RBM44: variants seen among roughly 807,000 people sequenced by gnomAD.
The protein encoded by RBM44 is RNA binding motif protein 44.
RBM44 carries 66 observed loss-of-function variants against 105.1 expected under a neutral mutation model. The ratio of observed to expected loss-of-function variants is 0.63; its 90% confidence interval spans 0.52 to 0.77. The LOEUF is 0.77. RBM44 is among the 30% of genes least tolerant of loss of function. The pLI, the probability that RBM44 is intolerant of heterozygous loss-of-function variation, is 0.00. For missense variants in RBM44, 1,122 were observed against 1,207.8 expected (o/e 0.93, Z 1.05); for synonymous variants, 365 against 417.6 (o/e 0.87, Z 1.54).
At chr2:237,814,904 CT>C (rs201755020) in intron 2 of RBM44, among the ~76,000 whole-genome samples, 85 of 145,186 alleles carry the variant, frequency 5.9e-4, no homozygotes, top group East Asian at 2.9e-3. Flanking sequence ...CCACCCCCCC[CT>C]ACACACACAA....
chr2:237,820,657 G>A (rs564734556), intron 5 of RBM44: 3 of 251,940 alleles, frequency 1.2e-5, no homozygotes, highest in Non-Finnish European at 2.2e-5. Context: ...TGTGTCAAGA[G>A]TTGTTTGTAC....
At chr2:237,822,032 G>C (rs1405520610) in intron 8 of RBM44, among the ~76,000 whole-genome samples, 3 of 152,098 alleles carry the variant, frequency 2.0e-5, no homozygotes, top group African/African-American at 4.8e-5. Flanking sequence ...ATGTTGAGTA[G>C]GGTGACCATA....
chr2:237,836,134 C>G (rs2061957111), intron 15 of RBM44, among the ~76,000 whole-genome samples: 1 of 152,186 alleles, frequency 6.6e-6, no homozygotes, highest in Non-Finnish European at 1.5e-5. Context: ...CAGGCACGCT[C>G]TCTTGTTAGG....
intron 8 of RBM44, among the ~76,000 whole-genome samples, chr2:237,822,245 G>A (rs1389872432): frequency 6.6e-6 from 1 of 152,054 alleles, no homozygotes; most frequent in Non-Finnish European, 1.5e-5. Context: ...ACAGGGAAAA[G>A]TTATAATTTC....
intron 1 of RBM44, among the ~76,000 whole-genome samples, chr2:237,810,598 A>C (rs572486413): frequency 2.6e-5 from 4 of 152,290 alleles, no homozygotes; most frequent in South Asian, 2.1e-4. Flanking sequence ...AATTTTGCAA[A>C]AGAGAAAAGA....
At chr2:237,813,134 A>G (rs771495314) in intron 1 of RBM44, among the ~76,000 whole-genome samples, 2 of 152,030 alleles carry the variant, frequency 1.3e-5, no homozygotes, top group Admixed American at 6.6e-5. Context: ...ATCTCCCACA[A>G]CCTATCCCAG....
intron 1 of RBM44, among the ~76,000 whole-genome samples, chr2:237,800,775 C>T (rs996548392): frequency 1.4e-5 from 2 of 147,020 alleles, no homozygotes; most frequent in Non-Finnish European, 3.0e-5. Context: ...TTCCCAGGCT[C>T]GAGTGCAATG....
At chr2:237,814,534 A>G (rs1390714520) in intron 2 of RBM44, among the ~76,000 whole-genome samples, 1 of 152,172 alleles carries the variant, frequency 6.6e-6, no homozygotes, top group Non-Finnish European at 1.5e-5. Context: ...TAAACTTAAA[A>G]AAATCTATTG....
At chr2:237,821,600 T>G in intron 7 of RBM44, 143 bp from the exon 8 acceptor site, 1 of 702,620 alleles carries the variant, frequency 1.4e-6, no homozygotes, top group African/African-American at 1.8e-5. Context: ...ATCCATCACC[T>G]TGTGTATTTG....
chr2:237,803,241 T>C lies in RBM44; in HGVS notation c.-19+4380T>C, dbSNP rs960961703. Among the ~76,000 whole-genome samples the C allele has an allele frequency of 6.6e-6, 1 of 151,804 alleles. No individual in the cohort carries two copies. Among genetic ancestry groups the C allele is most frequent in the Non-Finnish European group, 1.5e-5 (1 of 67,976 alleles). ...AAGATCACACCACTGCACTCCAGCC[T>C]GGGCGACAGAGCGAGACACACACAC... On this transcript the variant is annotated intron_variant, in intron 1 of 15. Coordinates refer to ENST00000316997, the MANE Select transcript of RBM44 (RefSeq NM_001080504.3). This position sits in a 1 kb window ranked among gnomAD's most constrained non-coding sequence, Gnocchi z 4.2.
intron 8 of RBM44, among the ~76,000 whole-genome samples, chr2:237,822,801 G>C (rs1268368532): frequency 1.3e-5 from 2 of 151,952 alleles, no homozygotes; most frequent in African/African-American, 2.4e-5. Flanking sequence ...TTGATTTTAA[G>C]TTGAGATTTA....
intron 8 of RBM44, among the ~76,000 whole-genome samples, chr2:237,822,842 T>C (rs1194373816): frequency 6.6e-6 from 1 of 152,056 alleles, no homozygotes; most frequent in Non-Finnish European, 1.5e-5. Flanking sequence ...TTAATTCCTG[T>C]CTCATTAAAT....
Position 237,819,218 on chromosome 2 carries a change from G to T in RBM44, c.1736+259G>T, listed in dbSNP as rs191106902. ...TACTTGTTCAACCCAAATCCATACTGATTTAATTTTCCATTTCCTTTCACT... is the reference window on the plus strand; with the variant it reads ...TACTTGTTCAACCCAAATCCATACTTATTTAATTTTCCATTTCCTTTCACT... On this transcript the variant is annotated intron_variant, in intron 4 of 15. Coordinates refer to ENST00000316997, the MANE Select transcript of RBM44 (RefSeq NM_001080504.3). 5.9e-5 allele frequency among the ~76,000 whole-genome samples: 9 copies of T among 152,110 alleles called. No individual in the cohort carries two copies. In the East Asian group the frequency reaches 1.2e-3, roughly 20 times the overall value.
rs1213545603 is a variant in RBM44 at position 237,803,633 on chromosome 2, C to A, written c.-19+4772C>A. Reference sequence around the variant, plus strand: ...GATGAGGAAAAGTTTCTTAATTTTGCTGAATCCCAATCAACAACTTTTAAA... The same window carrying A: ...GATGAGGAAAAGTTTCTTAATTTTGATGAATCCCAATCAACAACTTTTAAA... On this transcript the variant is annotated intron_variant, in intron 1 of 15. Coordinates refer to ENST00000316997, the MANE Select transcript of RBM44 (RefSeq NM_001080504.3). The surrounding 1 kb of genome is among the most constrained non-coding windows in gnomAD (Gnocchi z 4.2). 6.6e-5 allele frequency among the ~76,000 whole-genome samples: 10 copies of A among 152,128 alleles called. No homozygotes were observed. Among genetic ancestry groups the A allele is most frequent in the Non-Finnish European group, 1.5e-4 (10 of 68,028 alleles).
intron 13 of RBM44, among the ~76,000 whole-genome samples, chr2:237,833,584 A>T (rs1023806721): frequency 1.3e-5 from 2 of 152,206 alleles, no homozygotes; most frequent in African/African-American, 4.8e-5. Flanking sequence ...GGTTAAGAGA[A>T]TTAAGCCTTA....
Position 237,842,303 on chromosome 2 carries a change from GTA to G in RBM44, c.*490_*491del, listed in dbSNP as rs1392528710. 1 of 152,102 alleles carries G rather than the reference GTA, an allele frequency of 6.6e-6. No homozygotes were observed. The highest frequency in any genetic ancestry group is 1.9e-4 in the East Asian group (1 of 5,204). 9.4% of individuals were successfully genotyped at this position (152,102 alleles called of 1,614,324 possible). A position where few individuals can be genotyped will look rare whatever the true frequency, so the allele number is the denominator to read the frequency against. On this transcript the variant is annotated 3_prime_UTR_variant, in exon 16 of 16. Coordinates refer to ENST00000316997, the MANE Select transcript of RBM44 (RefSeq NM_001080504.3). The stretch of plus-strand genomic sequence containing the variant: ...TTATAGGATAACAGATAAATAAACT[GTA>G]TAGATACATTCAGTATCATACAACA...
At position 237,818,635 on chromosome 2, in the gene RBM44, TAA is replaced by T; in HGVS notation, c.1677+41_1677+42del. The T allele has an allele frequency of 7.4e-7, 1 of 1,357,760 alleles. No homozygotes were observed. Among genetic ancestry groups the T allele is most frequent in the Non-Finnish European group, 9.8e-7 (1 of 1,015,450 alleles). 84.1% of individuals were successfully genotyped at this position (1,357,760 alleles called of 1,614,324 possible). A position where few individuals can be genotyped will look rare whatever the true frequency, so the allele number is the denominator to read the frequency against. On this transcript the variant is annotated intron_variant, in intron 3 of 15. Coordinates refer to ENST00000316997, the MANE Select transcript of RBM44 (RefSeq NM_001080504.3). The surrounding 1 kb of genome is among the most constrained non-coding windows in gnomAD (Gnocchi z 4.6). ...GAGTAATAATAAAATTTGGACTTTA[TAA>T]AGAGACAGTGTATGCTAATGTAAGT... is the stretch of plus-strand genomic sequence containing the variant.
At chr2:237,813,723 G>A (rs768204230) in intron 2 of RBM44, 41 bp downstream of exon 2, 8 of 1,334,432 alleles carry the variant, frequency 6.0e-6, no homozygotes, top group Admixed American at 1.7e-5. Flanking sequence ...TGGTGGGGAA[G>A]GGTGTTAAAT....
chr2:237,838,370 C>T (rs2061979577), intron 15 of RBM44, among the ~76,000 whole-genome samples: 1 of 151,964 alleles, frequency 6.6e-6, no homozygotes, highest in African/African-American at 2.4e-5. Context: ...TTAGAAGAAG[C>T]CCTACTCTAA....
Sources: allele counts gnomAD v4.1 joint callset (sites outside exome capture counted in the v4.1 genomes callset), GRCh38; gene constraint gnomAD v4.1.1; non-coding constraint Gnocchi (gnomAD v3.1); transcripts MANE v1.5; gene names NCBI Gene and HGNC (gene_info 2026-07-23, HGNC 2026-07-21).